Variants in PRKAR1B observed in about 807,000 individuals in gnomAD.
The protein encoded by PRKAR1B is protein kinase cAMP-dependent type I regulatory subunit beta, also known as cAMP-dependent protein kinase type I-beta regulatory subunit.
PRKAR1B carries 22 observed loss-of-function variants against 46.5 expected under a neutral mutation model. The observed-to-expected ratio is 0.47, with a 90% CI of 0.34 to 0.68. The LOEUF is 0.68. Ranked by LOEUF, PRKAR1B falls within the 30% of genes least tolerant of loss-of-function variation. The pLI, the probability that PRKAR1B is intolerant of heterozygous loss-of-function variation, is 0.01. For synonymous variants in PRKAR1B, 259 were observed against 217.7 expected (o/e 1.19, Z -1.67); for missense variants, 445 against 535.6 (o/e 0.83, Z 1.67).
At chr7:576,530 A>G (rs1779845696) in intron 9 of PRKAR1B, among the ~76,000 whole-genome samples, 1 of 152,130 alleles carries the variant, frequency 6.6e-6, no homozygotes, top group South Asian at 2.1e-4. Context: ...TCATTAATTC[A>G]TTCACACAAT....
chr7:687,952 C>T (rs773586377), intron 2 of PRKAR1B, among the ~76,000 whole-genome samples: 62 of 151,088 alleles, frequency 4.1e-4, no homozygotes, highest in Non-Finnish European at 6.0e-4. Flanking sequence ...AAAAATTAGC[C>T]GGGCATGGTG....
At chr7:570,409 C>T (rs1779431933) in intron 9 of PRKAR1B, among the ~76,000 whole-genome samples, 1 of 152,296 alleles carries the variant, frequency 6.6e-6, no homozygotes, top group South Asian at 2.1e-4. Context: ...CCAGGGTTTG[C>T]AGCTCCGCTC....
chr7:696,305 CTTG>C (rs2128519583), intron 2 of PRKAR1B, among the ~76,000 whole-genome samples: 1 of 146,624 alleles, frequency 6.8e-6, no homozygotes, highest in African/African-American at 2.6e-5. Flanking sequence ...GAGTTTCACT[CTTG>C]TTGCCCAGGC....
intron 2 of PRKAR1B, among the ~76,000 whole-genome samples, chr7:688,808 G>A (rs145256833): frequency 8.5e-5 from 13 of 152,270 alleles, no homozygotes; most frequent in African/African-American, 1.7e-4. Flanking sequence ...CGTATTTTGC[G>A]TCTTAACCAT....
chr7:596,665 A>G (rs950732802), intron 6 of PRKAR1B, among the ~76,000 whole-genome samples: 8 of 152,232 alleles, frequency 5.3e-5, no homozygotes, highest in African/African-American at 1.9e-4. Context: ...CAATCCGTCA[A>G]CTTCTCACTC....
chr7:588,593 G>C (rs1263410686), intron 7 of PRKAR1B, among the ~76,000 whole-genome samples: 57 of 140,230 alleles, frequency 4.1e-4, no homozygotes, highest in South Asian at 6.4e-4. Flanking sequence ...CAGTGGTGAT[G>C]ACGGTGGTGA....
At chr7:700,075 G>A (rs1779979527) in intron 2 of PRKAR1B, among the ~76,000 whole-genome samples, 1 of 152,146 alleles carries the variant, frequency 6.6e-6, no homozygotes, top group South Asian at 2.1e-4. Context: ...CCCCAGAGGA[G>A]AAAGGACAAA....
chr7:664,765 A>G (rs2128497878), intron 4 of PRKAR1B, among the ~76,000 whole-genome samples: 1 of 151,230 alleles, frequency 6.6e-6, no homozygotes, highest in Non-Finnish European at 1.5e-5. Flanking sequence ...AAAAAAAAAA[A>G]TAGCTGGGTG....
At chr7:647,226 C>T (rs1238944935) in intron 4 of PRKAR1B, among the ~76,000 whole-genome samples, 1 of 152,156 alleles carries the variant, frequency 6.6e-6, no homozygotes, top group Non-Finnish European at 1.5e-5. Context: ...GCCTTCCTCA[C>T]TCCCGTTCTC....
intron 6 of PRKAR1B, among the ~76,000 whole-genome samples, chr7:604,696 G>A (rs189309556): frequency 6.2e-4 from 94 of 152,324 alleles, no homozygotes; most frequent in East Asian, 3.9e-4. Flanking sequence ...CGGCTGCCAC[G>A]GAAACAAATG....
chr7:550,534 C>G lies in PRKAR1B; in HGVS notation c.1042G>C (p.Val348Leu). The G allele has an allele frequency of 6.2e-7, 1 of 1,605,902 alleles. No homozygotes were observed. Among genetic ancestry groups the G allele is most frequent in the Non-Finnish European group, 8.5e-7 (1 of 1,176,758 alleles). The change falls in exon 11 of 11, where the codon GTG becomes CTG. Residue 348 changes from valine (V) to leucine (L), a missense_variant. Coordinates refer to ENST00000537384, the MANE Select transcript of PRKAR1B (RefSeq NM_001164760.2). Reference protein sequence around the residue: ...TVVARGPLKCVKLDRPRFERV... With the variant: ...TVVARGPLKCLKLDRPRFERV... Reference sequence around the variant, plus strand: ...TCGAAGCGGGGCCGGTCCAGCTTCACACACTTGAGGGGCCCCCGGGCCACG... The same window carrying G: ...TCGAAGCGGGGCCGGTCCAGCTTCAGACACTTGAGGGGCCCCCGGGCCACG...
chr7:683,752 C>G (rs917136624), intron 2 of PRKAR1B, among the ~76,000 whole-genome samples: 2 of 152,218 alleles, frequency 1.3e-5, no homozygotes, highest in Non-Finnish European at 2.9e-5. Context: ...CCACCTGCCA[C>G]GTGCCAGGCA....
At chr7:684,875 G>GACAC (rs142305067) in intron 2 of PRKAR1B, among the ~76,000 whole-genome samples, 3,840 of 145,476 alleles carry the variant, frequency 0.026, 134 homozygotes, top group African/African-American at 0.078. Flanking sequence ...ACTTCACACA[G>GACAC]ACACACACAC....
intron 4 of PRKAR1B, among the ~76,000 whole-genome samples, chr7:635,048 T>C (rs1260842479): frequency 6.6e-6 from 1 of 152,210 alleles, no homozygotes; most frequent in Non-Finnish European, 1.5e-5. Context: ...CGTCCCAAAA[T>C]GCTGAGTGGC....
chr7:628,004 A>G (rs532751722), intron 4 of PRKAR1B, among the ~76,000 whole-genome samples: 2 of 150,778 alleles, frequency 1.3e-5, no homozygotes, highest in South Asian at 2.1e-4. Context: ...GAACAAACAC[A>G]GGCCGAGGCC....
intron 6 of PRKAR1B, among the ~76,000 whole-genome samples, chr7:604,005 G>A (rs749348184): frequency 3.3e-5 from 5 of 152,200 alleles, no homozygotes; most frequent in Admixed American, 1.3e-4. Flanking sequence ...CATACCTCCC[G>A]CAGAGGTGGC....
intron 2 of PRKAR1B, among the ~76,000 whole-genome samples, chr7:681,410 C>T (rs778951940): frequency 6.6e-5 from 10 of 151,716 alleles, no homozygotes; most frequent in Non-Finnish European, 1.2e-4. Flanking sequence ...TGTGTATGTA[C>T]CAGTTTTGTG....
At chr7:607,341 G>C (rs572749758) in intron 5 of PRKAR1B, 50 bp downstream of exon 5, 1 of 1,542,758 alleles carries the variant, frequency 6.5e-7, no homozygotes, top group African/African-American at 1.4e-5. Context: ...TAAGTGCATA[G>C]TCCATTTTTC....
At chr7:563,578 G>T (rs967693092) in intron 9 of PRKAR1B, among the ~76,000 whole-genome samples, 1 of 151,522 alleles carries the variant, frequency 6.6e-6, no homozygotes, top group Admixed American at 6.6e-5. Context: ...GCGTGCACAG[G>T]TGTGTGTATG....
Sources: gnomAD v4.1 joint callset for allele counts (sites outside exome capture counted in the v4.1 genomes callset) on GRCh38, gnomAD v4.1.1 for gene constraint, MANE v1.5 for transcripts, NCBI Gene and HGNC (gene_info 2026-07-23, HGNC 2026-07-21) for gene names.